The following HIBADH variants were observed in gnomAD, a reference collection of about 807,000 sequenced individuals.
HIBADH encodes the protein 3-hydroxyisobutyrate dehydrogenase.
In HIBADH, 25 loss-of-function variants were observed where a neutral mutation model predicts 36.1. The observed-to-expected ratio is 0.69, with a 90% confidence interval of 0.50 to 0.97. The LOEUF is 0.97. Ranked by LOEUF, HIBADH falls within the 50% of genes least tolerant of loss-of-function variation. The pLI is 0.00. For missense variants in HIBADH, 421 were observed against 418.0 expected, an observed-to-expected ratio of 1.01 and a Z score of -0.06; for synonymous variants, 160 against 149.5, an observed-to-expected ratio of 1.07 and a Z score of -0.51.
At chr7:27,539,719 T>A (rs531501485) in intron 5 of HIBADH, among the ~76,000 whole-genome samples, 1 of 152,302 alleles carries the variant, frequency 6.6e-6, no homozygotes, top group South Asian at 2.1e-4. Context: ...AACCCATGTA[T>A]AACTTTTGAC....
chr7:27,616,933 T>G (rs1785441377), intron 4 of HIBADH, among the ~76,000 whole-genome samples: 1 of 152,178 alleles, frequency 6.6e-6, no homozygotes. Flanking sequence ...TTTTAGAAAT[T>G]TAAGTTTGTA....
intron 4 of HIBADH, among the ~76,000 whole-genome samples, chr7:27,572,750 T>C (rs761630752): frequency 2.0e-5 from 3 of 152,182 alleles, no homozygotes; most frequent in Non-Finnish European, 4.4e-5. Context: ...ATCTTCTGTA[T>C]ACAAGGAACC....
At chr7:27,579,321 G>A (rs913288240) in intron 4 of HIBADH, among the ~76,000 whole-genome samples, 4 of 151,986 alleles carry the variant, frequency 2.6e-5, no homozygotes, top group Non-Finnish European at 5.9e-5. Context: ...GGCTGAAGGG[G>A]GCAAGAGAGA....
intron 4 of HIBADH, among the ~76,000 whole-genome samples, chr7:27,553,604 T>C (rs946466513): frequency 6.6e-6 from 1 of 152,166 alleles, no homozygotes; most frequent in Non-Finnish European, 1.5e-5. Flanking sequence ...AGTGGGGTTT[T>C]TAAAGGGAGG....
In HIBADH at chr7:27,531,287, A is replaced by G. The variant is rs147879630; in HGVS notation, c.757T>C (p.Ser253Pro). ...ILNMSSGRCW[S>P]SDTYNPVPGV... ...GGTACAGGATTATAAGTGTCACTTGACCAACACCGTCCTGAGCTCATATTT... is the reference window on the plus strand; with the variant it reads ...GGTACAGGATTATAAGTGTCACTTGGCCAACACCGTCCTGAGCTCATATTT... Residue 253 changes from serine (S) to proline (P), a missense_variant, in exon 7 of 8, where the codon TCA (serine) becomes CCA (proline). Transcript: ENST00000265395. The G allele has an allele frequency of 1.4e-4, 226 of 1,614,016 alleles. 1 individual carries two copies. In the African/African-American group the frequency reaches 2.8e-3, roughly 20 times the overall value.
In HIBADH at chr7:27,531,761, A is replaced by G. The variant is rs557290001; in HGVS notation, c.696-413T>C. Among the ~76,000 whole-genome samples the G allele has an allele frequency of 2.0e-5, 3 of 152,304 alleles. 1 individual carries two copies. The highest frequency in any genetic ancestry group is 7.2e-5 in the African/African-American group (3 of 41,576). On this transcript the variant is annotated intron_variant, in intron 6 of 7. Transcript: ENST00000265395. ...TTTACCCACAAATGATATATTTCAG[A>G]AAGAAATACTGACAGATAAACGATG...
chr7:27,594,577 C>T (rs1407464453), intron 4 of HIBADH, among the ~76,000 whole-genome samples: 1 of 151,948 alleles, frequency 6.6e-6, no homozygotes, highest in Non-Finnish European at 1.5e-5. Flanking sequence ...CAGTGCAATC[C>T]CAACAAAAAT....
At chr7:27,602,256 A>AT (rs1562638851) in intron 4 of HIBADH, among the ~76,000 whole-genome samples, 1 of 152,128 alleles carries the variant, frequency 6.6e-6, no homozygotes, top group Non-Finnish European at 1.5e-5. Flanking sequence ...ACCCAGTGTG[A>AT]TAAACTGACA....
At chr7:27,542,885 A>G (rs1784176461) in intron 5 of HIBADH, 82 bp downstream of exon 5, 1 of 1,393,474 alleles carries the variant, frequency 7.2e-7, no homozygotes, top group African/African-American at 1.5e-5. Flanking sequence ...AGAAAGAAGA[A>G]TAAAAATATG....
chr7:27,549,352 T>C (rs1747263134), intron 4 of HIBADH, among the ~76,000 whole-genome samples: 1 of 152,180 alleles, frequency 6.6e-6, no homozygotes, highest in Non-Finnish European at 1.5e-5. Flanking sequence ...ATTTACATCT[T>C]TCAAAATATG....
At position 27,525,451 on chromosome 7, in the gene HIBADH, T is replaced by C. The variant is rs1468628820; in HGVS notation, c.*763A>G. 6.6e-6 allele frequency: 1 copy of C among 152,168 alleles called. No homozygotes were observed. Among genetic ancestry groups the C allele is most frequent in the Non-Finnish European group, 1.5e-5 (1 of 68,042 alleles). The allele number at this position is 152,168 out of a possible 1,614,324, so 9.4% of individuals were successfully genotyped here. A position where few individuals can be genotyped will look rare whatever the true frequency, so the allele number is the denominator to read the frequency against. ...AAACACCAAGAAAGTATTACCAGTA[T>C]AGAAATTTATTTGAATTCAAAATAA... On this transcript the variant is annotated 3_prime_UTR_variant, in exon 8 of 8. Coordinates refer to ENST00000265395, the MANE Select transcript of HIBADH (RefSeq NM_152740.4).
intron 4 of HIBADH, among the ~76,000 whole-genome samples, chr7:27,594,123 T>G (rs28416309): frequency 0.76 from 112,082 of 147,646 alleles, 43,106 homozygotes; most frequent in East Asian, 0.94. Flanking sequence ...AATGTTTAGG[T>G]TGTTACATAA....
chr7:27,607,218 AGTCTGCGGCT>A (rs1381676975), intron 4 of HIBADH, among the ~76,000 whole-genome samples: 1 of 151,384 alleles, frequency 6.6e-6, no homozygotes, highest in Non-Finnish European at 1.5e-5. Flanking sequence ...TGTATTTAAA[AGTCTGCGGCT>A]GGGCGCCATG....
intron 4 of HIBADH, among the ~76,000 whole-genome samples, chr7:27,569,542 T>G (rs1450332376): frequency 6.6e-6 from 1 of 152,140 alleles, no homozygotes; most frequent in Non-Finnish European, 1.5e-5. Context: ...GTATGCTGTT[T>G]AGGGTCAGAT....
chr7:27,654,860 A>C (rs1786268799), intron 1 of HIBADH, among the ~76,000 whole-genome samples: 1 of 151,760 alleles, frequency 6.6e-6, no homozygotes, highest in South Asian at 2.1e-4. Context: ...TAATTTTTGC[A>C]TTTTTTTGTA....
chr7:27,567,127 T>C (rs1052620515), intron 4 of HIBADH, among the ~76,000 whole-genome samples: 7 of 152,202 alleles, frequency 4.6e-5, no homozygotes, highest in African/African-American at 1.7e-4. Context: ...GAGAGAAGTG[T>C]TGAAGTCTCC....
intron 4 of HIBADH, among the ~76,000 whole-genome samples, chr7:27,626,251 C>A (rs1785644053): frequency 6.6e-6 from 1 of 151,642 alleles, no homozygotes; most frequent in South Asian, 2.1e-4. Flanking sequence ...CTATTATATA[C>A]CCACAAAAAT....
intron 7 of HIBADH, among the ~76,000 whole-genome samples, chr7:27,527,446 G>T (rs1783920782): frequency 6.6e-6 from 1 of 152,176 alleles, no homozygotes; most frequent in South Asian, 2.1e-4. Context: ...GGAGCTGGAT[G>T]AATTCAAGGC....
chr7:27,549,471 CA>C (rs1473293921), intron 4 of HIBADH, among the ~76,000 whole-genome samples: 1 of 152,128 alleles, frequency 6.6e-6, no homozygotes, highest in East Asian at 1.9e-4. Context: ...TAGTATCTCA[CA>C]ACAAATCTCA....
Sources: allele counts gnomAD v4.1 joint callset (sites outside exome capture counted in the v4.1 genomes callset), GRCh38; gene constraint gnomAD v4.1.1; transcripts MANE v1.5; gene names NCBI Gene and HGNC (gene_info 2026-07-23, HGNC 2026-07-21).